TIAM1: variants seen among roughly 807,000 people sequenced by gnomAD.
TIAM1 encodes TIAM Rac1 associated GEF 1.
Under a neutral mutation model 163.5 loss-of-function variants are expected in TIAM1, and 65 were observed. The observed-to-expected ratio is 0.40, with a 90% CI of 0.33 to 0.49. The LOEUF is 0.49. TIAM1 is among the 20% of genes least tolerant of loss of function. The pLI is 0.77. For missense variants in TIAM1, 1,789 were observed against 2,044.7 expected (o/e 0.87, Z 2.41); for synonymous variants, 833 against 810.1 (o/e 1.03, Z -0.48).
chr21:31,226,951 T>C (rs1212725251), intron 6 of TIAM1, among the ~76,000 whole-genome samples: 2 of 142,148 alleles, frequency 1.4e-5, no homozygotes, highest in Non-Finnish European at 3.0e-5. Flanking sequence ...CAAAATTCTG[T>C]GTTTTTTTTT....
At chr21:31,210,630 A>AG (rs1281654593) in intron 10 of TIAM1, among the ~76,000 whole-genome samples, 7 of 18,800 alleles carry the variant, frequency 3.7e-4, no homozygotes, top group East Asian at 9.9e-4. Context: ...AGAAAGAAAG[A>AG]AAGAAAGAAA....
intron 2 of TIAM1, among the ~76,000 whole-genome samples, chr21:31,332,996 G>A (rs1017277940): frequency 6.6e-6 from 1 of 150,740 alleles, no homozygotes; most frequent in Non-Finnish European, 1.5e-5. Flanking sequence ...CCACTCAGGA[G>A]GCTGAGGCAG....
intron 2 of TIAM1, among the ~76,000 whole-genome samples, chr21:31,421,555 C>T (rs1405696154): frequency 6.6e-6 from 1 of 152,194 alleles, no homozygotes; most frequent in African/African-American, 2.4e-5. Flanking sequence ...CTAGGTTGCG[C>T]ACTCCTTATG....
chr21:31,263,748 A>T (rs2072608103), intron 4 of TIAM1, among the ~76,000 whole-genome samples: 1 of 152,148 alleles, frequency 6.6e-6, no homozygotes, highest in Non-Finnish European at 1.5e-5. Flanking sequence ...ATGAAAGTCC[A>T]AGGTGATGTT....
intron 14 of TIAM1, among the ~76,000 whole-genome samples, chr21:31,184,648 G>A (rs924139910): frequency 2.6e-5 from 4 of 152,174 alleles, no homozygotes; most frequent in South Asian, 4.1e-4. Context: ...CCCGTGCCAC[G>A]CAAACCGGCA....
chr21:31,409,763 T>C (rs2077313746), intron 2 of TIAM1, among the ~76,000 whole-genome samples: 1 of 152,064 alleles, frequency 6.6e-6, no homozygotes, highest in Admixed American at 6.5e-5. Flanking sequence ...ATCCATGCTC[T>C]CCCAAAGGCC....
chr21:31,368,203 CTATT>C (rs2147148827), intron 2 of TIAM1, among the ~76,000 whole-genome samples: 1 of 152,286 alleles, frequency 6.6e-6, no homozygotes, highest in South Asian at 2.1e-4. Context: ...TTAAGGGAAA[CTATT>C]TAAGACATAT....
At chr21:31,330,404 G>GT (rs2075640048) in intron 2 of TIAM1, among the ~76,000 whole-genome samples, 1 of 152,062 alleles carries the variant, frequency 6.6e-6, no homozygotes, top group Non-Finnish European at 1.5e-5. Flanking sequence ...GTTGTTTTTG[G>GT]TTTTTTGCAT....
intron 2 of TIAM1, among the ~76,000 whole-genome samples, chr21:31,332,754 A>T (rs919353443): frequency 6.6e-6 from 1 of 151,624 alleles, no homozygotes; most frequent in African/African-American, 2.4e-5. Context: ...TCACATTCAC[A>T]CTATGTATGT....
At chr21:31,523,131 C>A (rs998128388) in intron 1 of TIAM1, among the ~76,000 whole-genome samples, 1 of 152,136 alleles carries the variant, frequency 6.6e-6, no homozygotes, top group Non-Finnish European at 1.5e-5. Context: ...AAGATACCTG[C>A]AAAGAGAGGT....
chr21:31,282,179 A>G (rs1601816288), intron 2 of TIAM1, among the ~76,000 whole-genome samples: 1 of 152,214 alleles, frequency 6.6e-6, no homozygotes, highest in African/African-American at 2.4e-5. Flanking sequence ...CAAAGGAAGC[A>G]CAAAAGTTCT....
At chr21:31,182,153 A>G (rs543008539) in intron 15 of TIAM1, among the ~76,000 whole-genome samples, 2 of 152,228 alleles carry the variant, frequency 1.3e-5, no homozygotes, top group Admixed American at 1.3e-4. Context: ...ACCTTTCCCC[A>G]AAATGAGAAA....
chr21:31,219,119 G>A (rs1437860914), intron 8 of TIAM1, among the ~76,000 whole-genome samples: 3 of 147,948 alleles, frequency 2.0e-5, no homozygotes, highest in Non-Finnish European at 3.0e-5. Context: ...ATTTCACAAG[G>A]GAACACCCTA....
chr21:31,382,300 A>G (rs775944035), intron 2 of TIAM1, among the ~76,000 whole-genome samples: 2 of 152,224 alleles, frequency 1.3e-5, no homozygotes, highest in African/African-American at 4.8e-5. Context: ...CATTGGCTAA[A>G]ATCATAGGTG....
At chr21:31,474,028 G>C (rs1329357921) in intron 1 of TIAM1, among the ~76,000 whole-genome samples, 1 of 152,150 alleles carries the variant, frequency 6.6e-6, no homozygotes, top group Admixed American at 6.5e-5. Context: ...AGAGGCAAAG[G>C]GGGAGCAGAC....
chr21:31,279,205 G>A (rs1207657946), intron 2 of TIAM1, among the ~76,000 whole-genome samples: 1 of 152,170 alleles, frequency 6.6e-6, no homozygotes, highest in Non-Finnish European at 1.5e-5. Context: ...AAGCAAAACG[G>A]AGTCGATTTG....
intron 4 of TIAM1, among the ~76,000 whole-genome samples, chr21:31,265,026 GAC>G (rs1442504359): frequency 6.6e-6 from 1 of 151,926 alleles, no homozygotes; most frequent in Non-Finnish European, 1.5e-5. Flanking sequence ...TTCTTTTATT[GAC>G]ACAGAGTCTC....
intron 2 of TIAM1, among the ~76,000 whole-genome samples, chr21:31,382,261 G>A (rs756660396): frequency 2.6e-5 from 4 of 152,160 alleles, no homozygotes; most frequent in African/African-American, 4.8e-5. Flanking sequence ...CTGTATATCC[G>A]TATGAAAAAC....
intron 1 of TIAM1, among the ~76,000 whole-genome samples, chr21:31,529,515 A>G (rs2047906849): frequency 6.6e-6 from 1 of 152,192 alleles, no homozygotes; most frequent in South Asian, 2.1e-4. Context: ...GAAACCAAAC[A>G]TTCTCTTCTT....
Sources: gnomAD v4.1 joint callset for allele counts (sites outside exome capture counted in the v4.1 genomes callset) on GRCh38, gnomAD v4.1.1 for gene constraint, MANE v1.5 for transcripts, NCBI Gene and HGNC (gene_info 2026-07-23, HGNC 2026-07-21) for gene names.